The following IREB2 variants were observed in gnomAD, a reference collection of about 807,000 sequenced individuals.
The protein encoded by IREB2 is iron responsive element binding protein 2.
A neutral mutation model predicts 118.8 loss-of-function variants in IREB2; 39 were observed. The observed-to-expected ratio is 0.33, with a 90% CI of 0.25 to 0.43. The LOEUF (loss-of-function observed/expected upper bound fraction) is 0.43. Ranked by LOEUF, IREB2 falls within the 20% of genes least tolerant of loss-of-function variation. IREB2 has a pLI of 1.00. For synonymous variants in IREB2, 372 were observed against 392.2 expected (o/e 0.95, Z 0.61); for missense variants, 900 against 1,147.3 (o/e 0.78, Z 3.11).
Position 78,466,461 on chromosome 15 carries a change from T to C in IREB2, c.601T>C (p.Cys201Arg). ...SSQIENTPILCPFHLQPVPEP... is the reference protein window; with the variant it reads ...SSQIENTPILRPFHLQPVPEP... The stretch of plus-strand genomic sequence containing the variant: ...GCAGATTGAGAATACACCCATCCTG[T>C]GTCCTTTTCATTTGCAACCAGTGCC... Residue 201 changes from cysteine (C) to arginine (R), a missense_variant, in exon 5 of 22, where the codon TGT (cysteine) becomes CGT (arginine). Physicochemically the swap from Cys to Arg is radical, Grantham distance 180. Coordinates refer to ENST00000258886, the MANE Select transcript of IREB2 (RefSeq NM_004136.4). The C allele has an allele frequency of 1.9e-6, 3 of 1,613,952 alleles. No homozygotes were observed. Among genetic ancestry groups the C allele is most frequent in the Non-Finnish European group, 2.5e-6 (3 of 1,179,848 alleles).
rs140054767 is a variant in IREB2, at chr15:78,494,496, T to A, written c.2595+232T>A. 4.8e-3 allele frequency among the ~76,000 whole-genome samples: 729 copies of A among 152,324 alleles called. 6 individuals are homozygous for A. The highest frequency in any genetic ancestry group is 0.016 in the African/African-American group (671 of 41,564). ...TGGTAAAACCTACATCAGTCTTATG[T>A]GAAGAAGTCAGTATAATAGAGGGAA... is the stretch of plus-strand genomic sequence containing the variant. On this transcript the variant is annotated intron_variant, in intron 20 of 21. Transcript: ENST00000258886.
At chr15:78,440,702 A>G (rs1349756096) in intron 2 of IREB2, among the ~76,000 whole-genome samples, 2 of 152,064 alleles carry the variant, frequency 1.3e-5, no homozygotes, top group African/African-American at 2.4e-5. Flanking sequence ...GCCCACATCT[A>G]TTCTTTTTGC....
chr15:78,463,168 G>T, intron 3 of IREB2, 81 bp downstream of exon 3: 2 of 1,200,422 alleles, frequency 1.7e-6, no homozygotes, highest in South Asian at 3.1e-5. Context: ...GGTAGGTGTG[G>T]TTGTTCATAC....
intron 2 of IREB2, among the ~76,000 whole-genome samples, chr15:78,459,196 A>T (rs2656063): frequency 0.031 from 4,795 of 152,270 alleles, 258 homozygotes; most frequent in African/African-American, 0.11. Flanking sequence ...CTTTTGTTTC[A>T]TATATTTTAC....
intron 20 of IREB2, among the ~76,000 whole-genome samples, chr15:78,494,815 C>T (rs1281461851): frequency 6.6e-6 from 1 of 152,192 alleles, no homozygotes; most frequent in Non-Finnish European, 1.5e-5. Flanking sequence ...TCAAGTGATC[C>T]TCCCGCTGTG....
Position 78,482,599 on chromosome 15 carries a change from A to C in IREB2, c.1297-719A>C, listed in dbSNP as rs538284154. The stretch of plus-strand genomic sequence containing the variant: ...TGCTGACAAAGGAGAAATGTTTACT[A>C]ACCGTTTACCTCTGTGATCACAGAG... On this transcript the variant is annotated intron_variant, in intron 10 of 21. Transcript: ENST00000258886. Among the ~76,000 whole-genome samples, 3 of 152,288 alleles carry C rather than the reference A, an allele frequency of 2.0e-5. No homozygotes were observed. In the East Asian group the frequency reaches 5.8e-4, roughly 29 times the overall value.
chr15:78,480,048 C>T (rs1030737829), intron 10 of IREB2: 2 of 152,140 alleles, frequency 1.3e-5, no homozygotes, highest in South Asian at 2.1e-4. Flanking sequence ...CATGGTTTTA[C>T]AGTTTTGGTT....
rs560542583 is a variant in IREB2, at chr15:78,476,517, G to A, written c.1195+158G>A. ...AGCAAACATCAGATGTCTTTAAAGA[G>A]TGTTGTGTCCTCAAACCCTAGTTCC... is the stretch of plus-strand genomic sequence containing the variant. On this transcript the variant is annotated intron_variant, in intron 9 of 21. Transcript: ENST00000258886. The A allele has an allele frequency of 3.6e-5, 19 of 522,396 alleles. No individual in the cohort carries two copies. The South Asian group carries it at 5.6e-4, about 15-fold the overall frequency. 32.4% of individuals were successfully genotyped at this position (522,396 alleles called of 1,614,324 possible). A position where few individuals can be genotyped will look rare whatever the true frequency, so the allele number is the denominator to read the frequency against.
At chr15:78,493,757 T>A in intron 18 of IREB2, 152 bp from the exon 19 acceptor site, 1 of 600,516 alleles carries the variant, frequency 1.7e-6, no homozygotes, top group South Asian at 2.5e-5. Flanking sequence ...AAGTTATAGC[T>A]TGGTGATAGG....
rs1176416644 is a variant in IREB2, at chr15:78,438,312, C to T, written c.-26C>T. On this transcript the variant is annotated 5_prime_UTR_variant, in exon 1 of 22. Transcript: ENST00000258886. Reference sequence around the variant, plus strand: ...CCTTCTTCCCCCGCTGGCCCCCTCCCCGGAGGGATAATATGGTCTCCGGCG... The same window carrying T: ...CCTTCTTCCCCCGCTGGCCCCCTCCTCGGAGGGATAATATGGTCTCCGGCG... The T allele has an allele frequency of 6.3e-7, 1 of 1,580,180 alleles. No homozygotes were observed. The highest frequency in any genetic ancestry group is 1.8e-5 in the Admixed American group (1 of 54,140).
chr15:78,449,526 A>G (rs2050988272), intron 2 of IREB2, among the ~76,000 whole-genome samples: 1 of 152,244 alleles, frequency 6.6e-6, no homozygotes, highest in African/African-American at 2.4e-5. Context: ...CAGCAGAAGT[A>G]CAAGGTTGGT....
At position 78,488,899 on chromosome 15, in the gene IREB2, A is replaced by C. The variant is rs1437664449; in HGVS notation, c.2076+128A>C. The C allele has an allele frequency of 6.9e-6, 4 of 577,500 alleles. No homozygotes were observed. In the Admixed American group the frequency reaches 1.2e-4, roughly 17 times the overall value. 35.8% of individuals were successfully genotyped at this position (577,500 alleles called of 1,614,324 possible). On this transcript the variant is annotated intron_variant, in intron 16 of 21. Coordinates refer to ENST00000258886, the MANE Select transcript of IREB2 (RefSeq NM_004136.4). ...AATACAGTTTTTAATGTGTAATAGT[A>C]AGTTTGTATCTGGAATCTGTAGTTA...
At chr15:78,477,193 T>C (rs2051486516) in intron 9 of IREB2, among the ~76,000 whole-genome samples, 1 of 152,238 alleles carries the variant, frequency 6.6e-6, no homozygotes, top group Non-Finnish European at 1.5e-5. Context: ...GCCTCGTTCC[T>C]TGCATATTAA....
At chr15:78,491,694 C>T (rs916851239) in intron 18 of IREB2, among the ~76,000 whole-genome samples, 3 of 152,056 alleles carry the variant, frequency 2.0e-5, no homozygotes, top group East Asian at 3.9e-4. Flanking sequence ...GACAGGGTTT[C>T]ACCATGTTGG....
chr15:78,444,928 A>G (rs2141448029), intron 2 of IREB2, among the ~76,000 whole-genome samples: 1 of 152,258 alleles, frequency 6.6e-6, no homozygotes, highest in East Asian at 1.9e-4. Flanking sequence ...GTATGAATGC[A>G]TTGTGGTTTA....
At chr15:78,487,334 C>T (rs1253034818) in intron 13 of IREB2, among the ~76,000 whole-genome samples, 1 of 152,188 alleles carries the variant, frequency 6.6e-6, no homozygotes, top group Non-Finnish European at 1.5e-5. Context: ...TGGGGGAATT[C>T]TCTTGTACAG....
chr15:78,458,057 ATC>A (rs779616199), intron 2 of IREB2, among the ~76,000 whole-genome samples: 36 of 152,168 alleles, frequency 2.4e-4, no homozygotes, highest in Non-Finnish European at 4.1e-4. Context: ...TATTCTTCAC[ATC>A]TCTGTTAGGT....
At chr15:78,452,234 G>C (rs2051038136) in intron 2 of IREB2, among the ~76,000 whole-genome samples, 1 of 152,150 alleles carries the variant, frequency 6.6e-6, no homozygotes, top group Non-Finnish European at 1.5e-5. Context: ...AAGGATGGTG[G>C]TGCTATTTAC....
chr15:78,483,454 T>C lies in IREB2; in HGVS notation c.1413+20T>C, dbSNP rs773605380. On this transcript the variant is annotated intron_variant, in intron 11 of 21. Transcript: ENST00000258886. ...GAAAAGGTAGGTTACTTTATTCTTA[T>C]CCGTGTTTTTCAACCCGCTTTGTGC... The C allele has an allele frequency of 8.2e-6, 11 of 1,340,436 alleles. No individual in the cohort carries two copies. In the African/African-American group the frequency reaches 8.7e-5, roughly 11 times the overall value. The allele number at this position is 1,340,436 out of a possible 1,614,324, so 83.0% of individuals were successfully genotyped here.
Sources: gnomAD v4.1 joint callset for allele counts (sites outside exome capture counted in the v4.1 genomes callset) on GRCh38, gnomAD v4.1.1 for gene constraint, MANE v1.5 for transcripts, NCBI Gene and HGNC (gene_info 2026-07-23, HGNC 2026-07-21) for gene names.